The following ALPK2 variants were observed in gnomAD, a reference collection of about 807,000 sequenced individuals.
The protein encoded by ALPK2 is alpha-protein kinase 2.
In ALPK2, 127 loss-of-function variants were observed where a neutral mutation model predicts 163.1. That is an observed-to-expected ratio of 0.78 (90% CI 0.67 to 0.90). The LOEUF (loss-of-function observed/expected upper bound fraction) is 0.90, where lower values mean the gene tolerates loss of function less well. Among genes scored for constraint, ALPK2 ranks in the 40% least tolerant of loss-of-function variants. ALPK2 has a pLI of 0.00. For synonymous variants in ALPK2, 953 were observed against 959.1 expected (o/e 0.99, Z 0.12); for missense variants, 2,360 against 2,589.6 (o/e 0.91, Z 1.92).
chr18:58,554,691 A>G (rs754126373), intron 4 of ALPK2, among the ~76,000 whole-genome samples: 1 of 152,016 alleles, frequency 6.6e-6, no homozygotes, highest in African/African-American at 2.4e-5. Context: ...CCCTTTTCTC[A>G]GGTCTGGAGA....
At chr18:58,556,775 G>A (rs1054856108) in intron 4 of ALPK2, among the ~76,000 whole-genome samples, 7 of 152,166 alleles carry the variant, frequency 4.6e-5, no homozygotes, top group African/African-American at 1.2e-4. Flanking sequence ...CTGAGGGCTG[G>A]GCCACTGTCC....
chr18:58,524,897 T>C (rs73959676), intron 6 of ALPK2, among the ~76,000 whole-genome samples: 3,686 of 137,864 alleles, frequency 0.027, 146 homozygotes, highest in African/African-American at 0.092. Flanking sequence ...ATTTGAAACA[T>C]AGGGAGAGCC....
intron 3 of ALPK2, among the ~76,000 whole-genome samples, chr18:58,587,275 C>T (rs1468468518): frequency 2.0e-5 from 3 of 152,144 alleles, no homozygotes; most frequent in Admixed American, 2.0e-4. Context: ...AGCAAGCAAA[C>T]AACAACAATA....
At chr18:58,578,746 A>G (rs112786201) in intron 4 of ALPK2, 68 bp downstream of exon 4, 18,067 of 807,368 alleles carry the variant, frequency 0.022, 26 homozygotes, top group Non-Finnish European at 0.028. Context: ...ACACACACAC[A>G]CACACACACA....
At chr18:58,566,714 T>C (rs1198335295) in intron 4 of ALPK2, 1 of 152,232 alleles carries the variant, frequency 6.6e-6, no homozygotes, top group Non-Finnish European at 1.5e-5. Flanking sequence ...AATCAGGATC[T>C]GTACTTATTT....
At chr18:58,561,299 G>C (rs895528447) in intron 4 of ALPK2, among the ~76,000 whole-genome samples, 1 of 152,158 alleles carries the variant, frequency 6.6e-6, no homozygotes, top group Non-Finnish European at 1.5e-5. Context: ...ATGGTTATGC[G>C]AGGATGCTGA....
At chr18:58,482,068 C>T in intron 12 of ALPK2, 29 bp from the exon 13 acceptor site, 9 of 1,542,274 alleles carry the variant, frequency 5.8e-6, no homozygotes, top group Non-Finnish European at 7.2e-6. Context: ...GGAAACATAG[C>T]TTTTAAAAAC....
At chr18:58,507,575 T>G (rs2051468163) in intron 10 of ALPK2, among the ~76,000 whole-genome samples, 1 of 152,018 alleles carries the variant, frequency 6.6e-6, no homozygotes, top group Non-Finnish European at 1.5e-5. Context: ...CTAGACCCCC[T>G]CTCCCAGTGG....
chr18:58,498,218 C>T, intron 11 of ALPK2, 121 bp from the exon 12 acceptor site: 4 of 862,358 alleles, frequency 4.6e-6, no homozygotes, highest in South Asian at 3.0e-5. Flanking sequence ...CCTGCATAAA[C>T]ACTCGAGGCC....
chr18:58,569,974 C>T (rs978250285), intron 4 of ALPK2, among the ~76,000 whole-genome samples: 9 of 152,016 alleles, frequency 5.9e-5, no homozygotes, highest in African/African-American at 2.2e-4. Context: ...ACTAAAAATA[C>T]AAAAAATTAG....
intron 2 of ALPK2, among the ~76,000 whole-genome samples, chr18:58,610,795 A>T (rs1008001246): frequency 3.3e-5 from 5 of 151,324 alleles, no homozygotes; most frequent in Non-Finnish European, 5.9e-5. Context: ...TATTAAAAAT[A>T]TAAAAATTAG....
chr18:58,626,848 A>G (rs765350031), intron 1 of ALPK2, among the ~76,000 whole-genome samples: 1 of 151,850 alleles, frequency 6.6e-6, no homozygotes, highest in Non-Finnish European at 1.5e-5. Flanking sequence ...ATTACTTTAT[A>G]TAGTTTATTT....
intron 3 of ALPK2, among the ~76,000 whole-genome samples, chr18:58,591,463 C>T (rs2052014573): frequency 6.6e-6 from 1 of 152,180 alleles, no homozygotes; most frequent in African/African-American, 2.4e-5. Flanking sequence ...TCTATACAAA[C>T]AGCTATAATA....
intron 4 of ALPK2, among the ~76,000 whole-genome samples, chr18:58,553,713 G>A (rs2051771273): frequency 6.6e-6 from 1 of 152,060 alleles, no homozygotes; most frequent in Non-Finnish European, 1.5e-5. Context: ...TTGTGAAGAA[G>A]GTGCCTTGCT....
Position 58,482,010 on chromosome 18 carries a change from A to G in ALPK2, c.6326T>C (p.Met2109Thr). 1 of 1,614,196 alleles carries G rather than the reference A, an allele frequency of 6.2e-7. No homozygotes were observed. The highest frequency in any genetic ancestry group is 2.2e-5 in the East Asian group (1 of 44,894). ...GYKGFKGNCSMTFIDQFKALH... is the reference protein window; with the variant it reads ...GYKGFKGNCSTTFIDQFKALH... ...TGCTTTAAACTGATCAATGAAGGTC[A>G]TGGAACAGTTGCCTTTAAATCCCTT... is the stretch of plus-strand genomic sequence containing the variant. Residue 2109 changes from methionine (M) to threonine (T), a missense_variant, in exon 13 of 13, where the codon ATG (methionine) becomes ACG (threonine). Transcript: ENST00000361673.
At chr18:58,571,362 C>A (rs1242209216) in intron 4 of ALPK2, among the ~76,000 whole-genome samples, 1 of 148,706 alleles carries the variant, frequency 6.7e-6, no homozygotes, top group Admixed American at 6.8e-5. Context: ...ATGCTAAGTT[C>A]TCTTTTTAAA....
intron 1 of ALPK2, among the ~76,000 whole-genome samples, chr18:58,612,914 C>T (rs1343518670): frequency 6.6e-6 from 1 of 152,176 alleles, no homozygotes; most frequent in African/African-American, 2.4e-5. Context: ...AACCACACTA[C>T]AGTGTGGTTA....
At chr18:58,594,887 G>T (rs897503454) in intron 3 of ALPK2, among the ~76,000 whole-genome samples, 3 of 152,216 alleles carry the variant, frequency 2.0e-5, no homozygotes, top group African/African-American at 7.2e-5. Flanking sequence ...CGCGATGGTT[G>T]CTTGCAGTCC....
chr18:58,583,019 G>T (rs1482777377), intron 3 of ALPK2, among the ~76,000 whole-genome samples: 1 of 152,174 alleles, frequency 6.6e-6, no homozygotes, highest in Non-Finnish European at 1.5e-5. Context: ...GACCTTAGAA[G>T]GTGTCAGATT....
Sources: allele counts gnomAD v4.1 joint callset (sites outside exome capture counted in the v4.1 genomes callset), GRCh38; gene constraint gnomAD v4.1.1; transcripts MANE v1.5; gene names NCBI Gene and HGNC (gene_info 2026-07-23, HGNC 2026-07-21).